Variants in DMD observed in about 807,000 individuals in gnomAD.
DMD encodes dystrophin, also known as mutant dystrophin.
In DMD, 63 loss-of-function variants were observed where a neutral mutation model predicts 330.1. The observed-to-expected ratio is 0.19, with a 90% confidence interval of 0.16 to 0.24. DMD has a LOEUF of 0.24. DMD is among the 10% of genes least tolerant of loss of function. DMD has a pLI of 1.00. For synonymous variants in DMD, 1,223 were observed against 959.8 expected, an observed-to-expected ratio of 1.27 and a Z score of -5.07; for missense variants, 3,344 against 2,684.1, an observed-to-expected ratio of 1.25 and a Z score of -5.43.
chrX:33,214,988 G>A (rs1005689029), upstream of DMD, among the ~76,000 whole-genome samples: 1 of 112,093 alleles, frequency 8.9e-6, no homozygotes, highest in African/African-American at 3.2e-5. Flanking sequence ...AAATGTTTAC[G>A]TTGTTAAAAA....
intron 46 of DMD, among the ~76,000 whole-genome samples, chrX:31,930,802 A>G (rs1209838282): frequency 1.8e-5 from 2 of 112,185 alleles, no homozygotes; most frequent in African/African-American, 6.5e-5. Context: ...TGAATTATCA[A>G]TTATATTACT....
At chrX:32,642,231 G>A (rs931252654) in intron 11 of DMD, among the ~76,000 whole-genome samples, 2 of 111,768 alleles carry the variant, frequency 1.8e-5, no homozygotes, top group Non-Finnish European at 3.8e-5. Flanking sequence ...ATAATGCTTT[G>A]TATATTCATT....
In DMD at chrX:32,854,568, T is replaced by A. The variant is rs766450510; in HGVS notation, c.94-4748A>T. Among the ~76,000 whole-genome samples the A allele has an allele frequency of 3.6e-5, 3 of 83,620 alleles. No individual in the cohort carries two copies. In the South Asian group the frequency reaches 1.5e-3, roughly 42 times the overall value. 72.6% of individuals were successfully genotyped at this position (83,620 alleles called of 115,157 possible). Reference sequence around the variant, plus strand: ...CAAAGTTTACAGCAATAAGCACTTGTATCAAAAAAAAAAAAAAAAGAGAAA... The same window carrying A: ...CAAAGTTTACAGCAATAAGCACTTGAATCAAAAAAAAAAAAAAAAGAGAAA... On this transcript the variant is annotated intron_variant, in intron 2 of 78. Coordinates refer to ENST00000357033, the MANE Select transcript of DMD (RefSeq NM_004006.3).
At chrX:32,316,832 C>A (rs975616606) in intron 41 of DMD, among the ~76,000 whole-genome samples, 1 of 110,859 alleles carries the variant, frequency 9.0e-6, no homozygotes, top group East Asian at 2.8e-4. Flanking sequence ...AAAAGTATAG[C>A]ATTCCTATTG....
intron 34 of DMD, among the ~76,000 whole-genome samples, chrX:32,365,788 T>C (rs1439502634): frequency 2.7e-5 from 3 of 112,239 alleles, no homozygotes; most frequent in Non-Finnish European, 5.6e-5. Context: ...AATATGTTAA[T>C]TAACAAGATC....
At chrX:31,462,780 T>C (rs2066616045) in intron 59 of DMD, among the ~76,000 whole-genome samples, 1 of 112,061 alleles carries the variant, frequency 8.9e-6, no homozygotes, top group African/African-American at 3.2e-5. Flanking sequence ...TGTTCAAAAT[T>C]AAGAGCTGCT....
intron 29 of DMD, among the ~76,000 whole-genome samples, chrX:32,416,212 C>T (rs1461515072): frequency 8.9e-6 from 1 of 111,986 alleles, no homozygotes; most frequent in Non-Finnish European, 1.9e-5. Flanking sequence ...TTACAAAAAA[C>T]ACATTCATTA....
chrX:31,462,178 T>C (rs2066569833), intron 59 of DMD, among the ~76,000 whole-genome samples: 1 of 111,902 alleles, frequency 8.9e-6, no homozygotes, highest in Non-Finnish European at 1.9e-5. Context: ...AGACAATGAC[T>C]GGTATAAAGG....
intron 13 of DMD, among the ~76,000 whole-genome samples, chrX:32,580,521 C>A (rs1230310164): frequency 8.9e-6 from 1 of 111,764 alleles, no homozygotes; most frequent in East Asian, 2.8e-4. Context: ...AGACAGGTAA[C>A]TGCTAGGGTC....
At chrX:32,501,700 CCTATGTGT>C (rs2148690272) in intron 19 of DMD, 47 bp downstream of exon 19, 3 of 882,842 alleles carry the variant, frequency 3.4e-6, no homozygotes, top group Non-Finnish European at 5.0e-6. Context: ...TAAATATGAA[CCTATGTGT>C]TTATCAAATC....
chrX:31,949,429 T>C (rs1055552854), intron 45 of DMD, among the ~76,000 whole-genome samples: 16 of 111,869 alleles, frequency 1.4e-4, no homozygotes, highest in African/African-American at 5.2e-4. Context: ...AATTATTTTC[T>C]TAGTATCATT....
chrX:32,589,497 C>T (rs2054652326), intron 13 of DMD, among the ~76,000 whole-genome samples: 1 of 109,834 alleles, frequency 9.1e-6, no homozygotes. Flanking sequence ...TATATAGAAA[C>T]ATAAAGAGAT....
At chrX:31,398,338 A>G (rs1370834222) in intron 60 of DMD, among the ~76,000 whole-genome samples, 1 of 112,572 alleles carries the variant, frequency 8.9e-6, no homozygotes, top group African/African-American at 3.2e-5. Context: ...TTCCAGGCAT[A>G]GAAAGAGTAT....
At chrX:32,994,714 AG>A (rs1848446646) in intron 2 of DMD, among the ~76,000 whole-genome samples, 1 of 112,116 alleles carries the variant, frequency 8.9e-6, no homozygotes, top group Non-Finnish European at 1.9e-5. Context: ...AACATAAGTT[AG>A]TGAGGTGATA....
chrX:32,573,544 G>A lies in DMD; in HGVS notation c.1798C>T (p.Leu600Phe), dbSNP rs1389313245. 2.5e-6 allele frequency: 3 copies of A among 1,210,282 alleles called. No homozygotes were observed. In the South Asian group the frequency reaches 5.3e-5, roughly 21 times the overall value. Residue 600 changes from leucine (L) to phenylalanine (F), a missense_variant, in exon 15 of 79, where the codon CTT becomes TTT. Coordinates refer to ENST00000357033, the MANE Select transcript of DMD (RefSeq NM_004006.3). ...AAAGTACATACGGCCAGTTTTTGAA[G>A]ACTTGATAACATTTCATTTTGATCT... ...FKDQNEMLSSLQKLAVLKADL... is the reference protein window; with the variant it reads ...FKDQNEMLSSFQKLAVLKADL...
intron 1 of DMD, among the ~76,000 whole-genome samples, chrX:33,123,725 GTTTTT>G (rs780028344): frequency 1.2e-5 from 1 of 85,882 alleles, no homozygotes; most frequent in African/African-American, 4.1e-5. Context: ...GTTCAAATGA[GTTTTT>G]TTTTTTTTTT....
At chrX:32,204,468 T>C (rs1440890760) in intron 44 of DMD, among the ~76,000 whole-genome samples, 5 of 112,001 alleles carry the variant, frequency 4.5e-5, no homozygotes, top group Non-Finnish European at 9.4e-5. Flanking sequence ...AAGTTGATTT[T>C]GTACTATTTT....
chrX:31,695,683 T>C (rs2083416498), intron 52 of DMD, among the ~76,000 whole-genome samples: 3 of 111,292 alleles, frequency 2.7e-5, no homozygotes, highest in Non-Finnish European at 5.7e-5. Flanking sequence ...GAGAGACACA[T>C]ATCATATAAT....
At chrX:32,812,600 T>C (rs1300653371) in intron 6 of DMD, among the ~76,000 whole-genome samples, 1 of 112,492 alleles carries the variant, frequency 8.9e-6, no homozygotes, top group East Asian at 2.8e-4. Context: ...CCCACTGCGC[T>C]CTAGCCTGTG....
Sources: allele counts gnomAD v4.1 joint callset (sites outside exome capture counted in the v4.1 genomes callset), GRCh38; gene constraint gnomAD v4.1.1; transcripts MANE v1.5; gene names NCBI Gene and HGNC (gene_info 2026-07-23, HGNC 2026-07-21).